The following WARS2 variants were observed in gnomAD, a reference collection of about 807,000 sequenced individuals.
WARS2 encodes tryptophan--tRNA ligase, mitochondrial.
In WARS2, 28 loss-of-function variants were observed where a neutral mutation model predicts 36.5. That is an observed-to-expected ratio of 0.77 (90% CI 0.57 to 1.05). The LOEUF (loss-of-function observed/expected upper bound fraction) is 1.05. Among genes scored for constraint, WARS2 ranks in the 50% least tolerant of loss-of-function variants. WARS2 has a pLI of 0.00. For missense variants in WARS2, 435 were observed against 456.8 expected (o/e 0.95, Z 0.44); for synonymous variants, 174 against 178.4 (o/e 0.98, Z 0.20).
intron 2 of WARS2, chr1:119,064,337 G>T (rs6695059): frequency 0.32 from 48,905 of 152,052 alleles, 9,179 homozygotes; most frequent in African/African-American, 0.52. Context: ...AGGCTCATAG[G>T]CAGAAGGTAC....
At chr1:119,074,319 T>C (rs1651555289) in intron 2 of WARS2, among the ~76,000 whole-genome samples, 1 of 152,224 alleles carries the variant, frequency 6.6e-6, no homozygotes, top group African/African-American at 2.4e-5. Flanking sequence ...AGTAAGGACC[T>C]ACGGGGTAAG....
chr1:119,051,027 C>CT (rs911695419), intron 2 of WARS2, among the ~76,000 whole-genome samples: 14 of 151,666 alleles, frequency 9.2e-5, no homozygotes, highest in African/African-American at 2.9e-4. Context: ...CTGCATTTTG[C>CT]TTTTTTTTTA....
rs771539565 is a variant in WARS2, at chr1:119,031,404, A to G, written c.*1507T>C. The G allele has an allele frequency of 2.0e-4, 31 of 152,232 alleles. No individual in the cohort carries two copies. The highest frequency in any genetic ancestry group is 3.8e-4 in the Non-Finnish European group (26 of 68,046). 9.4% of individuals were successfully genotyped at this position (152,232 alleles called of 1,614,324 possible). On this transcript the variant is annotated 3_prime_UTR_variant, in exon 6 of 6. Coordinates refer to ENST00000235521, the MANE Select transcript of WARS2 (RefSeq NM_015836.4). ...GTTTCCTTTACCCATGATCCAGGCT[A>G]GCTCCAAGAATCCTAAAAACGATGT...
intron 1 of WARS2, among the ~76,000 whole-genome samples, chr1:119,104,878 G>C (rs914176960): frequency 1.3e-5 from 2 of 152,070 alleles, no homozygotes; most frequent in African/African-American, 4.8e-5. Context: ...AAAGCAGTGA[G>C]GGAGCAGATC....
chr1:119,119,619 C>T (rs587742716), intron 1 of WARS2, among the ~76,000 whole-genome samples: 1 of 152,138 alleles, frequency 6.6e-6, no homozygotes, highest in Non-Finnish European at 1.5e-5. Flanking sequence ...ATTTTTTCAT[C>T]AGCACATGGA....
chr1:119,136,334 AAC>A (rs1310425732), intron 1 of WARS2, among the ~76,000 whole-genome samples: 1 of 152,182 alleles, frequency 6.6e-6, no homozygotes, highest in Non-Finnish European at 1.5e-5. Context: ...CTATATTTTC[AAC>A]AGTTACTATC....
rs144103495 is a variant in WARS2 at position 119,100,162 on chromosome 1, T to G, written c.91-23555A>C. ...GGGAAAGGAAATCAATAGATATTCA[T>G]CAAAAGAAGACATGAAAATGGCAAA... On this transcript the variant is annotated intron_variant, in intron 1 of 5. Coordinates refer to ENST00000235521, the MANE Select transcript of WARS2 (RefSeq NM_015836.4). Among the ~76,000 whole-genome samples the G allele has an allele frequency of 1.4e-3, 212 of 152,178 alleles. 1 individual carries two copies. Among genetic ancestry groups the G allele is most frequent in the African/African-American group, 4.8e-3 (201 of 41,520 alleles).
chr1:119,040,954 T>C (rs1171703420), intron 4 of WARS2, among the ~76,000 whole-genome samples: 1 of 152,208 alleles, frequency 6.6e-6, no homozygotes, highest in African/African-American at 2.4e-5. Flanking sequence ...AAATAATAAA[T>C]GTTATCAAGA....
At chr1:119,114,179 C>T (rs1297647631) in intron 1 of WARS2, among the ~76,000 whole-genome samples, 1 of 152,120 alleles carries the variant, frequency 6.6e-6, no homozygotes, top group Non-Finnish European at 1.5e-5. Flanking sequence ...CTAGTAATGA[C>T]TTGATTATAA....
chr1:119,068,816 C>T (rs1341698836), intron 2 of WARS2, among the ~76,000 whole-genome samples: 1 of 127,880 alleles, frequency 7.8e-6, no homozygotes, highest in East Asian at 2.1e-4. Flanking sequence ...ACGTGTCCCT[C>T]TCTCTCTTAC....
intron 1 of WARS2, among the ~76,000 whole-genome samples, chr1:119,133,966 CA>C (rs1656282246): frequency 6.6e-6 from 1 of 151,890 alleles, no homozygotes; most frequent in Non-Finnish European, 1.5e-5. Flanking sequence ...TGAAAAACTA[CA>C]AAATGCTGTA....
At chr1:119,036,332 T>C (rs892042170) in intron 4 of WARS2, among the ~76,000 whole-genome samples, 4 of 152,220 alleles carry the variant, frequency 2.6e-5, no homozygotes, top group Non-Finnish European at 5.9e-5. Context: ...GATCAGTGAG[T>C]GGCAAAAACA....
At chr1:119,043,933 T>C (rs1648578668) in intron 3 of WARS2, among the ~76,000 whole-genome samples, 1 of 152,146 alleles carries the variant, frequency 6.6e-6, no homozygotes, top group African/African-American at 2.4e-5. Flanking sequence ...CCTTTTGCTG[T>C]CCCAATGGAA....
chr1:119,084,373 C>A (rs1181832524), intron 1 of WARS2, among the ~76,000 whole-genome samples: 2 of 152,108 alleles, frequency 1.3e-5, no homozygotes, highest in Non-Finnish European at 2.9e-5. Context: ...GGTTACACAA[C>A]ATTGTGGATG....
chr1:119,134,822 A>T (rs1265435517), intron 1 of WARS2, among the ~76,000 whole-genome samples: 2 of 152,188 alleles, frequency 1.3e-5, no homozygotes, highest in Non-Finnish European at 2.9e-5. Flanking sequence ...CTCATATTGT[A>T]ATCTTCAGAA....
intron 1 of WARS2, among the ~76,000 whole-genome samples, chr1:119,101,184 T>C (rs1243805910): frequency 6.6e-6 from 1 of 152,146 alleles, no homozygotes; most frequent in African/African-American, 2.4e-5. Flanking sequence ...AAAAATGTAT[T>C]GTACTTGGAT....
Position 119,116,120 on chromosome 1 carries a change from T to C in WARS2, c.90+24435A>G, listed in dbSNP as rs1654951696. ...CTGCTTCACTCTCCCAGACTTTACT[T>C]ATTGAAGATTTGACTTTCTATCATA... is the stretch of plus-strand genomic sequence containing the variant. On this transcript the variant is annotated intron_variant, in intron 1 of 5. Transcript: ENST00000235521. 2.0e-5 allele frequency among the ~76,000 whole-genome samples: 3 copies of C among 152,208 alleles called. 1 individual carries two copies. The South Asian group carries it at 6.2e-4, about 32-fold the overall frequency.
At chr1:119,129,884 G>C (rs1259481192) in intron 1 of WARS2, among the ~76,000 whole-genome samples, 2 of 152,102 alleles carry the variant, frequency 1.3e-5, no homozygotes, top group African/African-American at 4.8e-5. Context: ...CACTTTAAAA[G>C]AAGAAAATAT....
At chr1:119,140,184 G>C (rs1174076924) in intron 1 of WARS2, 1 of 174,486 alleles carries the variant, frequency 5.7e-6, no homozygotes, top group Non-Finnish European at 1.2e-5. Flanking sequence ...AGGGTAAGGA[G>C]GGTAAAAACA....
Sources: allele counts gnomAD v4.1 joint callset (sites outside exome capture counted in the v4.1 genomes callset), GRCh38; gene constraint gnomAD v4.1.1; transcripts MANE v1.5; gene names NCBI Gene and HGNC (gene_info 2026-07-23, HGNC 2026-07-21).